Variants in SORCS2 observed in about 807,000 individuals in gnomAD.
SORCS2 encodes VPS10 domain-containing receptor SorCS2.
In SORCS2, 100 loss-of-function variants were observed where a neutral mutation model predicts 141.6. The ratio of observed to expected loss-of-function variants is 0.71; its 90% confidence interval spans 0.60 to 0.83. SORCS2 has a LOEUF of 0.83. Ranked by LOEUF, SORCS2 falls within the 40% of genes least tolerant of loss-of-function variation. The pLI is 0.00. For synonymous variants in SORCS2, 789 were observed against 676.9 expected (o/e 1.17, Z -2.57); for missense variants, 1,646 against 1,560.2 (o/e 1.05, Z -0.93).
At chr4:7,415,782 A>G (rs530005961) in intron 2 of SORCS2, among the ~76,000 whole-genome samples, 1 of 152,248 alleles carries the variant, frequency 6.6e-6, no homozygotes, top group Non-Finnish European at 1.5e-5. Flanking sequence ...TTTTGTAAAC[A>G]TTCTTGAGCA....
At chr4:7,328,593 C>A (rs535374531) in intron 1 of SORCS2, among the ~76,000 whole-genome samples, 1 of 152,152 alleles carries the variant, frequency 6.6e-6, no homozygotes, top group South Asian at 2.1e-4. Flanking sequence ...TTGATTCATG[C>A]GAGAAGCGTT....
chr4:7,437,340 G>A (rs1317179382), intron 2 of SORCS2, among the ~76,000 whole-genome samples: 1 of 152,184 alleles, frequency 6.6e-6, no homozygotes, highest in African/African-American at 2.4e-5. Context: ...TACAAGGCAA[G>A]GACTAGGGGC....
At chr4:7,385,814 C>A (rs530882326) in intron 1 of SORCS2, among the ~76,000 whole-genome samples, 17 of 152,346 alleles carry the variant, frequency 1.1e-4, no homozygotes, top group African/African-American at 4.1e-4. Context: ...GCCTTGGCCA[C>A]CTGCCTCGAT....
At chr4:7,467,490 C>G (rs1478516163) in intron 2 of SORCS2, among the ~76,000 whole-genome samples, 1 of 152,232 alleles carries the variant, frequency 6.6e-6, no homozygotes, top group Non-Finnish European at 1.5e-5. Context: ...CAAGTGACAT[C>G]TCATTCATAA....
At chr4:7,425,551 G>T (rs1726372363) in intron 2 of SORCS2, among the ~76,000 whole-genome samples, 1 of 152,164 alleles carries the variant, frequency 6.6e-6, no homozygotes, top group Admixed American at 6.5e-5. Flanking sequence ...CGACACCTGA[G>T]CGGCTCTGCT....
At chr4:7,523,885 C>T (rs1733498725) in intron 2 of SORCS2, among the ~76,000 whole-genome samples, 1 of 152,286 alleles carries the variant, frequency 6.6e-6, no homozygotes, top group East Asian at 1.9e-4. Flanking sequence ...CAGCAAGAGG[C>T]CCCCTCCCTC....
intron 2 of SORCS2, among the ~76,000 whole-genome samples, chr4:7,492,654 ATAAT>A (rs778403653): frequency 6.6e-6 from 1 of 152,250 alleles, no homozygotes; most frequent in African/African-American, 2.4e-5. Flanking sequence ...AGTTCTGTAA[ATAAT>A]TAATGAATGA....
chr4:7,447,481 G>C (rs959174090), intron 2 of SORCS2, among the ~76,000 whole-genome samples: 1 of 152,240 alleles, frequency 6.6e-6, no homozygotes, highest in African/African-American at 2.4e-5. Context: ...GGGTTGACCT[G>C]AATTTACACT....
At chr4:7,589,775 C>G (rs1429111350) in intron 3 of SORCS2, among the ~76,000 whole-genome samples, 2 of 152,166 alleles carry the variant, frequency 1.3e-5, no homozygotes, top group African/African-American at 2.4e-5. Context: ...ATTTTTATCC[C>G]CATTCTACAG....
intron 3 of SORCS2, among the ~76,000 whole-genome samples, chr4:7,636,335 G>A (rs780570530): frequency 6.6e-5 from 10 of 152,250 alleles, no homozygotes; most frequent in Non-Finnish European, 1.5e-4. Context: ...CCCGGTGCCT[G>A]TGTAAGCCAG....
At chr4:7,343,056 C>T (rs1720451599) in intron 1 of SORCS2, among the ~76,000 whole-genome samples, 1 of 152,208 alleles carries the variant, frequency 6.6e-6, no homozygotes, top group Non-Finnish European at 1.5e-5. Context: ...TTGACGTAGT[C>T]CCCGACCCTG....
chr4:7,475,888 G>C (rs1730261872), intron 2 of SORCS2, among the ~76,000 whole-genome samples: 1 of 152,232 alleles, frequency 6.6e-6, no homozygotes, highest in East Asian at 1.9e-4. Flanking sequence ...AAGGACACTG[G>C]GTTCTTGGAT....
chr4:7,357,920 G>T (rs1417948533), intron 1 of SORCS2, among the ~76,000 whole-genome samples: 1 of 152,230 alleles, frequency 6.6e-6, no homozygotes, highest in Non-Finnish European at 1.5e-5. Context: ...ATGAAAAGGA[G>T]CAGAAGACCA....
chr4:7,599,231 C>G (rs1197532140), intron 3 of SORCS2, among the ~76,000 whole-genome samples: 1 of 152,160 alleles, frequency 6.6e-6, no homozygotes, highest in African/African-American at 2.4e-5. Context: ...CCCCAGAAGG[C>G]CCCTTCTGCC....
intron 1 of SORCS2, among the ~76,000 whole-genome samples, chr4:7,310,292 G>A (rs1339504483): frequency 1.3e-5 from 2 of 152,222 alleles, no homozygotes; most frequent in Admixed American, 6.5e-5. Context: ...AGGAAACTCA[G>A]TCACAGAGAA....
In SORCS2 at chr4:7,726,863, G is replaced by C; in HGVS notation, c.2829G>C (p.Gly943=). 6.2e-7 allele frequency: 1 copy of C among 1,613,830 alleles called. No homozygotes were observed. The highest frequency in any genetic ancestry group is 8.5e-7 in the Non-Finnish European group (1 of 1,179,826). The change falls in exon 21 of 27, where the codon GGG becomes GGC. Residue 943 remains glycine (G), a synonymous_variant. Transcript: ENST00000507866. ...GTGTGACGGTGCAGGCCGCCTGTGG[G>C]AACTCGGTGCTGCAGGACTCCAGGG... ...DVRVTVQAAC[G]NSVLQDSRVL... is the part of the protein sequence containing the mutation.
intron 1 of SORCS2, among the ~76,000 whole-genome samples, chr4:7,304,582 A>G (rs940192730): frequency 1.3e-5 from 2 of 152,182 alleles, no homozygotes; most frequent in Non-Finnish European, 2.9e-5. Context: ...CATGAGCCTC[A>G]TCAGTGCTCA....
chr4:7,708,273 G>A (rs1227912195), intron 14 of SORCS2, among the ~76,000 whole-genome samples: 2 of 152,166 alleles, frequency 1.3e-5, no homozygotes, highest in African/African-American at 2.4e-5. Context: ...CCTGGCTTCC[G>A]CCCACTCCAC....
At chr4:7,593,193 G>T (rs2108778047) in intron 3 of SORCS2, among the ~76,000 whole-genome samples, 1 of 152,202 alleles carries the variant, frequency 6.6e-6, no homozygotes, top group Non-Finnish European at 1.5e-5. Flanking sequence ...AAACCAACAG[G>T]GTCAGGTAGA....
Sources: gnomAD v4.1 joint callset for allele counts (sites outside exome capture counted in the v4.1 genomes callset) on GRCh38, gnomAD v4.1.1 for gene constraint, MANE v1.5 for transcripts, NCBI Gene and HGNC (gene_info 2026-07-23, HGNC 2026-07-21) for gene names.